PNPLA1: variants seen among roughly 807,000 people sequenced by gnomAD.
The protein encoded by PNPLA1 is omega-hydroxyceramide transacylase.
Under a neutral mutation model 51.7 loss-of-function variants are expected in PNPLA1, and 36 were observed. The ratio of observed to expected loss-of-function variants is 0.70; its 90% CI spans 0.53 to 0.92. PNPLA1 has a LOEUF of 0.92. Ranked by LOEUF, PNPLA1 falls within the 40% of genes least tolerant of loss-of-function variation. The probability of loss-of-function intolerance (pLI) is 0.00; values close to 1 mark genes in which losing one functional copy is unlikely to be tolerated. For synonymous variants in PNPLA1, 293 were observed against 280.1 expected, an observed-to-expected ratio of 1.05 and a Z score of -0.46; for missense variants, 658 against 682.5, an observed-to-expected ratio of 0.96 and a Z score of 0.40.
At chr6:36,252,151 C>T (rs1048694918) in intron 1 of PNPLA1, among the ~76,000 whole-genome samples, 6 of 152,244 alleles carry the variant, frequency 3.9e-5, no homozygotes, top group African/African-American at 1.4e-4. Context: ...GAGACTGCAT[C>T]ACTGTAGAGA....
chr6:36,282,234 GA>G (rs1257621268), intron 1 of PNPLA1, among the ~76,000 whole-genome samples: 4 of 148,062 alleles, frequency 2.7e-5, no homozygotes, highest in African/African-American at 1.0e-4. Context: ...AGGAAGGAAG[GA>G]AAGAAAGAAA....
intron 1 of PNPLA1, among the ~76,000 whole-genome samples, chr6:36,273,621 A>G (rs1184920494): frequency 6.7e-6 from 1 of 148,594 alleles, no homozygotes; most frequent in Non-Finnish European, 1.5e-5. Flanking sequence ...ATCTGGGTGC[A>G]GTGGCTCATG....
rs979290752 is a variant in PNPLA1, at chr6:36,313,396, T to C, written c.*1510T>C. 6.6e-6 allele frequency among the ~76,000 whole-genome samples: 1 copy of C among 152,112 alleles called. No homozygotes were observed. The highest frequency in any genetic ancestry group is 1.5e-5 in the Non-Finnish European group (1 of 68,026). ...CCCACAGGCCTCAGGTACATTTGCT[T>C]ACCAAATCCTGAAATGCAAAACCCA... is the stretch of plus-strand genomic sequence containing the variant. On this transcript the variant is annotated 3_prime_UTR_variant, in exon 9 of 9. Coordinates refer to ENST00000636260, the MANE Select transcript of PNPLA1 (RefSeq NM_001374623.1).
At chr6:36,260,707 T>G (rs773614905) in intron 1 of PNPLA1, among the ~76,000 whole-genome samples, 76 of 152,350 alleles carry the variant, frequency 5.0e-4, no homozygotes, top group African/African-American at 1.7e-3. Flanking sequence ...CTGAACCTCA[T>G]TTTGTACTTA....
chr6:36,291,583 C>CCAG, intron 2 of PNPLA1, 31 bp downstream of exon 2: 2 of 53,508 alleles, frequency 3.7e-5, no homozygotes, highest in South Asian at 1.8e-4. Flanking sequence ...GGGAGGGACA[C>CCAG]GGAGGGGGCG....
At chr6:36,257,390 T>C (rs937617241) in intron 1 of PNPLA1, among the ~76,000 whole-genome samples, 1 of 152,242 alleles carries the variant, frequency 6.6e-6, no homozygotes, top group Admixed American at 6.5e-5. Flanking sequence ...AGAGACATGA[T>C]TAAAGACCCA....
upstream of PNPLA1, among the ~76,000 whole-genome samples, chr6:36,265,959 C>T (rs1036716193): frequency 3.9e-5 from 6 of 152,094 alleles, no homozygotes; most frequent in African/African-American, 1.4e-4. Context: ...AAGGCTGCAG[C>T]TCCCATCTTG....
At chr6:36,260,665 T>G (rs999296914) in intron 1 of PNPLA1, among the ~76,000 whole-genome samples, 5 of 152,230 alleles carry the variant, frequency 3.3e-5, no homozygotes, top group African/African-American at 1.2e-4. Context: ...CCCCCTTTTT[T>G]ACACAAATGG....
chr6:36,303,555 G>C (rs1294515943), intron 6 of PNPLA1, among the ~76,000 whole-genome samples: 1 of 152,278 alleles, frequency 6.6e-6, no homozygotes, highest in African/African-American at 2.4e-5. Context: ...TCAGGGACTG[G>C]GTGTGGTCAC....
intron 1 of PNPLA1, among the ~76,000 whole-genome samples, chr6:36,249,344 G>T (rs1039134943): frequency 6.6e-6 from 1 of 151,896 alleles, no homozygotes; most frequent in Non-Finnish European, 1.5e-5. Flanking sequence ...CTTATCATCA[G>T]GTTTTGACTC....
chr6:36,307,460 A>G, intron 7 of PNPLA1, 127 bp from the exon 8 acceptor site: 1 of 1,081,534 alleles, frequency 9.2e-7, no homozygotes, highest in East Asian at 2.6e-5. Context: ...TTGCTGGGAA[A>G]TCCAATCCTC....
Position 36,293,062 on chromosome 6 carries a change from C to T in PNPLA1, c.440C>T (p.Ala147Val). ...CTCAGCCCTGTTCTCTCCGCACAGG[C>T]CCTATACTGCAGCTGCTTCGTCCCG... is the stretch of plus-strand genomic sequence containing the variant. Reference protein sequence around the residue: ...EFTSKEELIEALYCSCFVPVY... With the variant: ...EFTSKEELIEVLYCSCFVPVY... The change falls in exon 3 of 9, where the codon GCC (alanine) becomes GTC (valine). Residue 147 changes from alanine (A) to valine (V), a missense_variant and splice_region_variant. Physicochemically the swap from Ala to Val is moderately conservative, Grantham distance 64 (BLOSUM62 0). Coordinates refer to ENST00000636260, the MANE Select transcript of PNPLA1 (RefSeq NM_001374623.1). The T allele has an allele frequency of 6.2e-7, 1 of 1,613,912 alleles. No individual in the cohort carries two copies. The highest frequency in any genetic ancestry group is 1.6e-4 in the Middle Eastern group (1 of 6,062).
At chr6:36,280,293 G>T (rs971461862) in intron 1 of PNPLA1, among the ~76,000 whole-genome samples, 2 of 152,202 alleles carry the variant, frequency 1.3e-5, no homozygotes, top group Non-Finnish European at 2.9e-5. Flanking sequence ...TCTGCACAAG[G>T]ACTTGGTTTT....
chr6:36,290,809 G>A (rs183497422), intron 1 of PNPLA1, among the ~76,000 whole-genome samples: 10 of 152,238 alleles, frequency 6.6e-5, no homozygotes, highest in South Asian at 6.2e-4. Flanking sequence ...ATGATTCACC[G>A]GCCCAAGGCC....
At chr6:36,279,169 CA>C (rs1338147713) in intron 1 of PNPLA1, among the ~76,000 whole-genome samples, 1 of 152,198 alleles carries the variant, frequency 6.6e-6, no homozygotes, top group Non-Finnish European at 1.5e-5. Context: ...AAACAGGCTT[CA>C]AAGGGATCTT....
chr6:36,290,376 G>A (rs533500984), intron 1 of PNPLA1, among the ~76,000 whole-genome samples: 156 of 152,296 alleles, frequency 1.0e-3, no homozygotes, highest in African/African-American at 3.6e-3. Context: ...TTTTGGCTTA[G>A]TGTAATAGCA....
chr6:36,294,377 C>A lies in PNPLA1; in HGVS notation c.692C>A (p.Ala231Glu), dbSNP rs1181480255. ...SLENIARMTH[A>E]LFPPDLVILH... is the part of the protein sequence containing the mutation. ...GAGAACATCGCCAGGATGACCCACG[C>A]ATTGTTCCCCCCGGACCTGGTGGTG... is the stretch of plus-strand genomic sequence containing the variant. The change falls in exon 4 of 9, where the codon GCA (alanine) becomes GAA (glutamate). Residue 231 changes from alanine (A) to glutamate (E), a missense_variant. Transcript: ENST00000636260. The surrounding 1 kb of genome is among the most constrained non-coding windows in gnomAD (Gnocchi z 4.2). 12 of 1,614,020 alleles carry A rather than the reference C, an allele frequency of 7.4e-6. No homozygotes were observed. Among genetic ancestry groups the A allele is most frequent in the Non-Finnish European group, 9.3e-6 (11 of 1,180,018 alleles).
intron 1 of PNPLA1, among the ~76,000 whole-genome samples, chr6:36,275,218 A>T (rs574999778): frequency 2.6e-5 from 4 of 152,242 alleles, no homozygotes; most frequent in Admixed American, 1.3e-4. Context: ...AGCTGGGACC[A>T]CAGGTGCATG....
intron 1 of PNPLA1, among the ~76,000 whole-genome samples, chr6:36,288,600 C>A (rs1770578401): frequency 6.6e-6 from 1 of 151,676 alleles, no homozygotes; most frequent in Admixed American, 6.6e-5. Context: ...CTACAGGCGC[C>A]CGCCACCGCG....
Sources: gnomAD v4.1 joint callset for allele counts (sites outside exome capture counted in the v4.1 genomes callset) on GRCh38, gnomAD v4.1.1 for gene constraint, Gnocchi (gnomAD v3.1) non-coding constraint, MANE v1.5 for transcripts, NCBI Gene and HGNC (gene_info 2026-07-23, HGNC 2026-07-21) for gene names.